The following GLUD1 variants were observed in gnomAD, a reference collection of about 807,000 sequenced individuals.
GLUD1 encodes glutamate dehydrogenase 1, mitochondrial.
A neutral mutation model predicts 56.0 loss-of-function variants in GLUD1; 22 were observed. The observed-to-expected ratio is 0.39, with a 90% confidence interval of 0.28 to 0.56. GLUD1 has a LOEUF of 0.56. Among genes scored for constraint, GLUD1 ranks in the 20% least tolerant of loss-of-function variants. The pLI, the probability that GLUD1 is intolerant of heterozygous loss-of-function variation, is 0.58. For synonymous variants in GLUD1, 223 were observed against 269.9 expected, an observed-to-expected ratio of 0.83 and a Z score of 1.70; for missense variants, 451 against 732.0, an observed-to-expected ratio of 0.62 and a Z score of 4.43.
At chr10:87,088,817 TAAGA>T (rs1841447370) in intron 1 of GLUD1, among the ~76,000 whole-genome samples, 1 of 152,156 alleles carries the variant, frequency 6.6e-6, no homozygotes, top group Non-Finnish European at 1.5e-5. Flanking sequence ...TGAAGAAAAC[TAAGA>T]AAGTAATTTC....
chr10:87,093,081 A>G (rs1841558397), intron 1 of GLUD1, among the ~76,000 whole-genome samples: 1 of 152,230 alleles, frequency 6.6e-6, no homozygotes, highest in Non-Finnish European at 1.5e-5. Flanking sequence ...GGGCGGGGTC[A>G]ATGCAAATTT....
intron 4 of GLUD1, among the ~76,000 whole-genome samples, chr10:87,070,218 C>T (rs1357109742): frequency 3.3e-5 from 5 of 152,098 alleles, no homozygotes; most frequent in Non-Finnish European, 5.9e-5. Context: ...TTTGGGAGGC[C>T]GAGGCAGGAG....
intron 1 of GLUD1, among the ~76,000 whole-genome samples, chr10:87,086,932 A>G (rs888861451): frequency 6.6e-6 from 1 of 152,046 alleles, no homozygotes; most frequent in Non-Finnish European, 1.5e-5. Flanking sequence ...AGTTCTCTGC[A>G]GATACAAACT....
chr10:87,077,558 G>A (rs1197050149), intron 1 of GLUD1, among the ~76,000 whole-genome samples: 2 of 149,736 alleles, frequency 1.3e-5, no homozygotes, highest in African/African-American at 4.9e-5. Context: ...AGACAGGTAG[G>A]TACTAGTGCC....
chr10:87,082,342 TGTTCC>T (rs1259897443), intron 1 of GLUD1, among the ~76,000 whole-genome samples: 1 of 152,228 alleles, frequency 6.6e-6, no homozygotes, highest in African/African-American at 2.4e-5. Context: ...ACAAAAGACA[TGTTCC>T]GCTGGATGGA....
chr10:87,061,189 G>A lies in GLUD1; in HGVS notation c.922-137C>T, dbSNP rs566157565. The A allele has an allele frequency of 2.5e-5, 21 of 849,418 alleles. No homozygotes were observed. The East Asian group carries it at 4.7e-4, about 19-fold the overall frequency. The allele number at this position is 849,418 out of a possible 1,614,324, so 52.6% of individuals were successfully genotyped here. The stretch of plus-strand genomic sequence containing the variant: ...AAATTCTTTTGCCAAAAGAAACAAT[G>A]TACTAACTGGTTTCTCTTCAACAAT... On this transcript the variant is annotated intron_variant, in intron 6 of 12. Coordinates refer to ENST00000277865, the MANE Select transcript of GLUD1 (RefSeq NM_005271.5).
chr10:87,062,139 A>G (rs543948746), intron 6 of GLUD1, among the ~76,000 whole-genome samples: 15 of 152,270 alleles, frequency 9.9e-5, no homozygotes, highest in African/African-American at 2.6e-4. Context: ...GCTGGTCTCG[A>G]ACTCCTGGCC....
intron 1 of GLUD1, among the ~76,000 whole-genome samples, chr10:87,091,012 A>G (rs1394038453): frequency 3.3e-5 from 5 of 152,176 alleles, no homozygotes. Context: ...TTATGTCATC[A>G]AGATTCCACT....
intron 5 of GLUD1, among the ~76,000 whole-genome samples, chr10:87,067,536 C>T (rs1438244422): frequency 6.6e-6 from 1 of 152,186 alleles, no homozygotes; most frequent in African/African-American, 2.4e-5. Context: ...CTCACTCTTA[C>T]TTTCTATTAC....
rs186677532 is a variant in GLUD1 at position 87,073,510 on chromosome 10, G to C, written c.646+1041C>G. On this transcript the variant is annotated intron_variant, in intron 4 of 12. Transcript: ENST00000277865. ...GGAAATGCTAAGAAAGGAAAGTAGA[G>C]AAAAATACACTTTATTTTCTATTTA... Among the ~76,000 whole-genome samples the C allele has an allele frequency of 4.6e-4, 69 of 149,696 alleles. 1 individual carries two copies. The East Asian group carries it at 0.014, about 30-fold the overall frequency.
intron 12 of GLUD1, 55 bp downstream of exon 12, chr10:87,053,287 G>C (rs1004690102): frequency 1.4e-5 from 16 of 1,134,646 alleles, no homozygotes; most frequent in Non-Finnish European, 2.2e-5. Flanking sequence ...AGATAGCATG[G>C]TTGAGTTGCA....
intron 4 of GLUD1, among the ~76,000 whole-genome samples, chr10:87,073,275 A>G (rs1846290364): frequency 6.6e-6 from 1 of 152,244 alleles, no homozygotes; most frequent in Middle Eastern, 3.4e-3. Flanking sequence ...GGATCCTCCC[A>G]TCTTAGTAGT....
chr10:87,085,026 C>A (rs753299519), intron 1 of GLUD1, among the ~76,000 whole-genome samples: 2 of 152,160 alleles, frequency 1.3e-5, no homozygotes, highest in Non-Finnish European at 2.9e-5. Context: ...TGGGAAGGAG[C>A]ACTGCATATA....
Position 87,094,310 on chromosome 10 carries a change from C to T in GLUD1, c.445+15G>A, listed in dbSNP as rs1241010675. 1 of 1,593,596 alleles carries T rather than the reference C, an allele frequency of 6.3e-7. No homozygotes were observed. ...GGAGGCAGGGAGGGCGGGACGGGGC[C>T]CGGCCGACGCTCACCTCCCTTGCAG... On this transcript the variant is annotated intron_variant, in intron 1 of 12. Coordinates refer to ENST00000277865, the MANE Select transcript of GLUD1 (RefSeq NM_005271.5). This position sits in a 1 kb window ranked among gnomAD's most constrained non-coding sequence, Gnocchi z 6.6.
rs1564765403 is a variant in GLUD1 at position 87,060,810 on chromosome 10, G to A, written c.1075C>T (p.Leu359=). 1 of 1,614,196 alleles carries A rather than the reference G, an allele frequency of 6.2e-7. No individual in the cohort carries two copies. Among genetic ancestry groups the A allele is most frequent in the East Asian group, 2.2e-5 (1 of 44,888 alleles). ...EDFKLQHGSI[L]GFPKAKPYEG... ...TAGGGCTTTGCCTTGGGGAAGCCCAGAATGGACCCATGTTGCTGCCATTGA... is the reference window on the plus strand; with the variant it reads ...TAGGGCTTTGCCTTGGGGAAGCCCAAAATGGACCCATGTTGCTGCCATTGA... The change falls in exon 8 of 13, where the codon CTG becomes TTG. Residue 359 remains leucine, a synonymous_variant. Coordinates refer to ENST00000277865, the MANE Select transcript of GLUD1 (RefSeq NM_005271.5).
chr10:87,068,037 C>G (rs769043704), intron 5 of GLUD1, 26 bp downstream of exon 5: 4 of 1,344,926 alleles, frequency 3.0e-6, no homozygotes, highest in South Asian at 2.3e-5. Flanking sequence ...AATGCAGAAG[C>G]CTCGGGGCTT....
rs574646853 is a variant in GLUD1, at chr10:87,055,907, G to A, written c.1494+1784C>T. Among the ~76,000 whole-genome samples the A allele has an allele frequency of 8.6e-5, 13 of 151,726 alleles. No homozygotes were observed. In the South Asian group the frequency reaches 1.0e-3, roughly 12 times the overall value. ...GAGGCGGGTGGATCACGAGGTCAGG[G>A]GTTTGAGACCAGCCTGACCAACAAG... On this transcript the variant is annotated intron_variant, in intron 11 of 12. Transcript: ENST00000277865.
Position 87,053,399 on chromosome 10 carries a change from T to C in GLUD1, c.1500A>G (p.Ala500=), listed in dbSNP as rs756259685. ...TAEFQDRISG[A]SEKDIVHSGL... is the part of the protein sequence containing the mutation. ...CAGAGTGCACGATGTCTTTCTCAGATGCACCCTATTAGGGAAAAGAACACA... is the reference window on the plus strand; with the variant it reads ...CAGAGTGCACGATGTCTTTCTCAGACGCACCCTATTAGGGAAAAGAACACA... The change falls in exon 12 of 13, where the codon GCA becomes GCG. Residue 500 remains alanine (A), a synonymous_variant. Coordinates refer to ENST00000277865, the MANE Select transcript of GLUD1 (RefSeq NM_005271.5). 102 of 1,602,318 alleles carry C rather than the reference T, an allele frequency of 6.4e-5. No homozygotes were observed. Among genetic ancestry groups the C allele is most frequent in the Non-Finnish European group, 7.8e-5 (91 of 1,169,394 alleles).
At chr10:87,073,393 A>G (rs1402256643) in intron 4 of GLUD1, among the ~76,000 whole-genome samples, 1 of 151,950 alleles carries the variant, frequency 6.6e-6, no homozygotes, top group Non-Finnish European at 1.5e-5. Context: ...GGCTCAAGTG[A>G]TCCTCCCACC....
Sources: gnomAD v4.1 joint callset for allele counts (sites outside exome capture counted in the v4.1 genomes callset) on GRCh38, gnomAD v4.1.1 for gene constraint, Gnocchi (gnomAD v3.1) non-coding constraint, MANE v1.5 for transcripts, NCBI Gene and HGNC (gene_info 2026-07-23, HGNC 2026-07-21) for gene names.